The following FTCDNL1 variants were observed in gnomAD, a reference collection of about 807,000 sequenced individuals.
The protein encoded by FTCDNL1 is formiminotransferase cyclodeaminase N-terminal like, also known as formiminotransferase N-terminal subdomain-containing protein.
In FTCDNL1, 11 loss-of-function variants were observed where a neutral mutation model predicts 5.9. The ratio of observed to expected loss-of-function variants is 1.87; its 90% CI spans 1.18 to 3.10. FTCDNL1 has a LOEUF of 3.10. FTCDNL1 is among the 30% of genes most tolerant of loss of function. The pLI, the probability that FTCDNL1 is intolerant of heterozygous loss-of-function variation, is 0.00. For synonymous variants in FTCDNL1, 58 were observed against 24.8 expected, an observed-to-expected ratio of 2.34 and a Z score of -3.99; for missense variants, 115 against 65.5, an observed-to-expected ratio of 1.76 and a Z score of -2.61.
chr2:199,712,909 C>G, the FTCDNL1 span, among the ~76,000 whole-genome samples: 1 of 152,282 alleles, frequency 6.6e-6, no homozygotes, highest in Middle Eastern at 3.4e-3. Flanking sequence ...TTCCAGCTGC[C>G]AAGACATGAC....
At chr2:199,737,885 G>A in the FTCDNL1 span, among the ~76,000 whole-genome samples, 1 of 152,168 alleles carries the variant, frequency 6.6e-6, no homozygotes, top group South Asian at 2.1e-4. Context: ...AATTAGGAGC[G>A]TTTCAGTTAG....
At chr2:199,847,408 CT>C (rs2076760854) in intron 2 of FTCDNL1, among the ~76,000 whole-genome samples, 1 of 152,162 alleles carries the variant, frequency 6.6e-6, no homozygotes. Context: ...ACTCTAACTC[CT>C]GGAAGAAACG....
chr2:199,710,290 A>C, the FTCDNL1 span, among the ~76,000 whole-genome samples: 1 of 152,208 alleles, frequency 6.6e-6, no homozygotes, highest in Non-Finnish European at 1.5e-5. Context: ...GCTAGGAAAC[A>C]CCTTATGGAG....
At position 199,846,237 on chromosome 2, in the gene FTCDNL1, C is replaced by A. The variant is rs548376731; in HGVS notation, c.116-67G>T. The stretch of plus-strand genomic sequence containing the variant: ...GTGATAAAACCTTAATAGTTAATTT[C>A]TTCTGGTATATTTAAATTTAGCTTA... On this transcript the variant is annotated intron_variant, in intron 2 of 4. Coordinates refer to ENST00000420128, the MANE Select transcript of FTCDNL1 (RefSeq NM_001363886.2). The A allele has an allele frequency of 5.3e-5, 33 of 619,738 alleles. 1 individual carries two copies. The South Asian group carries it at 5.6e-4, about 11-fold the overall frequency. The allele number at this position is 619,738 out of a possible 1,614,324, so 38.4% of individuals were successfully genotyped here.
At chr2:199,743,793 T>C in the FTCDNL1 span, among the ~76,000 whole-genome samples, 1 of 152,086 alleles carries the variant, frequency 6.6e-6, no homozygotes, top group Non-Finnish European at 1.5e-5. Context: ...ATTTTCAGAA[T>C]TGAAGGGAAT....
chr2:199,737,145 G>A, the FTCDNL1 span, among the ~76,000 whole-genome samples: 6 of 152,152 alleles, frequency 3.9e-5, no homozygotes, highest in Non-Finnish European at 7.4e-5. Context: ...AATTACCTTG[G>A]ACCAAATCTC....
chr2:199,784,671 C>T (rs1239847535), intron 3 of FTCDNL1, among the ~76,000 whole-genome samples: 1 of 152,176 alleles, frequency 6.6e-6, no homozygotes, highest in Non-Finnish European at 1.5e-5. Flanking sequence ...CTCAGACTTG[C>T]CCCAATTGAG....
chr2:199,748,532 G>A, the FTCDNL1 span, among the ~76,000 whole-genome samples: 12 of 152,116 alleles, frequency 7.9e-5, no homozygotes, highest in Non-Finnish European at 1.3e-4. Context: ...AAGACAGGTC[G>A]CTTTCTAAAT....
chr2:199,686,072 T>C, the FTCDNL1 span, among the ~76,000 whole-genome samples: 1 of 152,220 alleles, frequency 6.6e-6, no homozygotes, highest in African/African-American at 2.4e-5. Flanking sequence ...GAGGAATAGC[T>C]GGGAAAGTAT....
At chr2:199,798,669 T>C (rs1418112539) in intron 3 of FTCDNL1, among the ~76,000 whole-genome samples, 1 of 152,140 alleles carries the variant, frequency 6.6e-6, no homozygotes, top group Non-Finnish European at 1.5e-5. Flanking sequence ...GAGGTTGACT[T>C]TCAGAACAAG....
chr2:199,764,473 G>T (rs1001690887), intron 3 of FTCDNL1, among the ~76,000 whole-genome samples: 6 of 152,158 alleles, frequency 3.9e-5, no homozygotes, highest in Admixed American at 6.5e-5. Context: ...AAAGTCATAT[G>T]CTGTGCTAAT....
intron 3 of FTCDNL1, among the ~76,000 whole-genome samples, chr2:199,765,556 A>ATATTTTTTT: frequency 2.6e-4 from 11 of 42,656 alleles, no homozygotes; most frequent in African/African-American, 6.4e-4. Flanking sequence ...ATATATATAT[A>ATATTTTTTT]TTTTTTTTTT....
At chr2:199,699,140 A>G in the FTCDNL1 span, among the ~76,000 whole-genome samples, 2 of 152,294 alleles carry the variant, frequency 1.3e-5, no homozygotes, top group South Asian at 4.1e-4. Context: ...CCAACCAGAA[A>G]GAGCCCAGGA....
At chr2:199,791,750 C>T (rs1699936640) in intron 3 of FTCDNL1, among the ~76,000 whole-genome samples, 2 of 151,884 alleles carry the variant, frequency 1.3e-5, no homozygotes, top group Admixed American at 1.3e-4. Flanking sequence ...ACTGTGTTTC[C>T]AAAGGACTAA....
rs991857706 is a variant in FTCDNL1 at position 199,811,741 on chromosome 2, T to C, written c.*964A>G. The stretch of plus-strand genomic sequence containing the variant: ...GCAAATTCCAAGACATCCTCTTCCA[T>C]TGCATGTCTAATAACTTCCCCCTGT... On this transcript the variant is annotated 3_prime_UTR_variant, in exon 5 of 5. Coordinates refer to ENST00000420128, the MANE Select transcript of FTCDNL1 (RefSeq NM_001363886.2). Among the ~76,000 whole-genome samples the C allele has an allele frequency of 4.6e-5, 7 of 152,186 alleles. No individual in the cohort carries two copies. The highest frequency in any genetic ancestry group is 1.0e-4 in the Non-Finnish European group (7 of 68,042).
the FTCDNL1 span, among the ~76,000 whole-genome samples, chr2:199,717,984 AAC>A: frequency 4.2e-5 from 2 of 47,636 alleles, no homozygotes; most frequent in African/African-American, 4.8e-5. Flanking sequence ...AAACCAAAAA[AAC>A]AAAAAAAAAA....
chr2:199,757,171 T>C (rs879704984), downstream of FTCDNL1, among the ~76,000 whole-genome samples: 11 of 152,180 alleles, frequency 7.2e-5, no homozygotes, highest in Non-Finnish European at 1.3e-4. Context: ...ACCTCCTCTT[T>C]GTTGAGGGGA....
intron 3 of FTCDNL1, among the ~76,000 whole-genome samples, chr2:199,782,446 C>T (rs925764288): frequency 8.5e-5 from 13 of 152,130 alleles, no homozygotes; most frequent in African/African-American, 3.1e-4. Context: ...CTTTTGTGAC[C>T]CTTTTCAATT....
At chr2:199,776,927 TACAC>T (rs201417430) in intron 3 of FTCDNL1, among the ~76,000 whole-genome samples, 5 of 147,454 alleles carry the variant, frequency 3.4e-5, no homozygotes, top group East Asian at 4.2e-4. Context: ...TATATATATA[TACAC>T]ACACACACAC....
Sources: allele counts gnomAD v4.1 joint callset (sites outside exome capture counted in the v4.1 genomes callset), GRCh38; gene constraint gnomAD v4.1.1; transcripts MANE v1.5; gene names NCBI Gene and HGNC (gene_info 2026-07-23, HGNC 2026-07-21).